The following ERG variants were observed in gnomAD, a reference collection of about 807,000 sequenced individuals.
ERG encodes the protein transcriptional regulator ERG.
A neutral mutation model predicts 55.3 loss-of-function variants in ERG; 9 were observed. That is an observed-to-expected ratio of 0.16 (90% CI 0.10 to 0.28). The LOEUF (loss-of-function observed/expected upper bound fraction) is 0.28, where lower values mean the gene tolerates loss of function less well. ERG is among the 10% of genes least tolerant of loss of function. The pLI, the probability that ERG is intolerant of heterozygous loss-of-function variation, is 1.00. For missense variants in ERG, 434 were observed against 631.6 expected (o/e 0.69, Z 3.35); for synonymous variants, 223 against 237.3 (o/e 0.94, Z 0.55).
chr21:38,657,949 T>C (rs2060529174), intron 1 of ERG, among the ~76,000 whole-genome samples: 1 of 152,148 alleles, frequency 6.6e-6, no homozygotes, highest in African/African-American at 2.4e-5. Context: ...CTAAGTACCA[T>C]AATCATCGGA....
rs565315730 is a variant in ERG at position 38,382,525 on chromosome 21, C to A, written c.*878G>T. ...TCTACTACTTCCCCTTTCTCCATTACGCTGTGTCCTTTCTCCTAACACTGG... is the reference window on the plus strand; with the variant it reads ...TCTACTACTTCCCCTTTCTCCATTAAGCTGTGTCCTTTCTCCTAACACTGG... On this transcript the variant is annotated 3_prime_UTR_variant, in exon 10 of 10. Transcript: ENST00000288319. The A allele has an allele frequency of 1.9e-6, 2 of 1,065,470 alleles. No individual in the cohort carries two copies. Among genetic ancestry groups the A allele is most frequent in the Non-Finnish European group, 2.3e-6 (2 of 879,076 alleles). The allele number at this position is 1,065,470 out of a possible 1,614,324, so 66.0% of individuals were successfully genotyped here. A position where few individuals can be genotyped will look rare whatever the true frequency, so the allele number is the denominator to read the frequency against.
At chr21:38,472,209 A>AAAGG (rs368645901) in intron 1 of ERG, 21 of 152,230 alleles carry the variant, frequency 1.4e-4, no homozygotes, top group African/African-American at 4.1e-4. Context: ...AGAATGAAAG[A>AAAGG]AAGGAAGGAA....
intron 2 of ERG, among the ~76,000 whole-genome samples, chr21:38,518,234 G>GTA (rs914645804): frequency 2.2e-5 from 3 of 134,972 alleles, no homozygotes; most frequent in African/African-American, 8.3e-5. Flanking sequence ...ATGTGTGTGT[G>GTA]TGTATCTATC....
intron 2 of ERG, among the ~76,000 whole-genome samples, chr21:38,514,772 G>T (rs79212406): frequency 4.3e-3 from 660 of 151,996 alleles, no homozygotes; most frequent in African/African-American, 0.016. Flanking sequence ...GAAATGAAAT[G>T]CAATGTTAAA....
chr21:38,639,500 G>A (rs1346601356), intron 1 of ERG, among the ~76,000 whole-genome samples: 1 of 151,746 alleles, frequency 6.6e-6, no homozygotes, highest in African/African-American at 2.4e-5. Context: ...GTTCCAAGAA[G>A]AGAAAACATT....
chr21:38,638,623 G>A (rs548242536), intron 1 of ERG, among the ~76,000 whole-genome samples: 49 of 152,338 alleles, frequency 3.2e-4, no homozygotes, highest in African/African-American at 1.1e-3. Context: ...GGCAGTTGAT[G>A]AGTGAGGGGA....
intron 1 of ERG, among the ~76,000 whole-genome samples, chr21:38,660,829 G>T (rs2060549936): frequency 6.6e-6 from 1 of 151,746 alleles, no homozygotes; most frequent in Admixed American, 6.6e-5. Flanking sequence ...GCGTGGGTGC[G>T]AGCGCGCGGG....
intron 6 of ERG, among the ~76,000 whole-genome samples, chr21:38,393,362 C>T (rs936503490): frequency 6.6e-6 from 1 of 152,176 alleles, no homozygotes; most frequent in Non-Finnish European, 1.5e-5. Flanking sequence ...AATACTCTTG[C>T]TAAGAGTGCA....
At chr21:38,567,892 C>G (rs999271231) in intron 2 of ERG, among the ~76,000 whole-genome samples, 5 of 152,204 alleles carry the variant, frequency 3.3e-5, no homozygotes, top group African/African-American at 9.7e-5. Flanking sequence ...TTCACAGTGA[C>G]CTCGCACAGA....
intron 9 of ERG, among the ~76,000 whole-genome samples, chr21:38,386,362 G>A (rs570805039): frequency 7.7e-4 from 117 of 152,304 alleles, no homozygotes; most frequent in Admixed American, 2.3e-3. Flanking sequence ...ATGGTAGAAA[G>A]AGTAACATCA....
At chr21:38,384,832 A>AG (rs1987616544) in intron 9 of ERG, among the ~76,000 whole-genome samples, 2 of 148,106 alleles carry the variant, frequency 1.4e-5, no homozygotes, top group Admixed American at 6.6e-5. Flanking sequence ...GAGGAAGTTT[A>AG]GGAAAAAAAA....
At chr21:38,526,987 C>T (rs2059634275) in intron 2 of ERG, among the ~76,000 whole-genome samples, 1 of 152,184 alleles carries the variant, frequency 6.6e-6, no homozygotes, top group African/African-American at 2.4e-5. Context: ...CCAGAACTTT[C>T]ACCATCTACT....
intron 1 of ERG, among the ~76,000 whole-genome samples, chr21:38,491,621 T>G (rs1454057300): frequency 6.6e-6 from 1 of 152,252 alleles, no homozygotes; most frequent in Non-Finnish European, 1.5e-5. Flanking sequence ...AGCATTTCTT[T>G]TCAAAATGTC....
chr21:38,570,844 A>G (rs2059953266), intron 2 of ERG, among the ~76,000 whole-genome samples: 2 of 152,192 alleles, frequency 1.3e-5, no homozygotes, highest in Admixed American at 1.3e-4. Flanking sequence ...ACTAATATAC[A>G]GATGGTTCCC....
At chr21:38,549,601 T>C (rs1159204888) in intron 2 of ERG, among the ~76,000 whole-genome samples, 3 of 152,218 alleles carry the variant, frequency 2.0e-5, no homozygotes, top group Admixed American at 6.5e-5. Flanking sequence ...GCCAAAGTCA[T>C]GGGAGCTGAG....
At chr21:38,614,920 G>A (rs1326336972) in intron 1 of ERG, among the ~76,000 whole-genome samples, 2 of 152,210 alleles carry the variant, frequency 1.3e-5, no homozygotes, top group African/African-American at 4.8e-5. Context: ...AAGATTGTCC[G>A]GCTCTACTCA....
chr21:38,384,073 C>T (rs1254869915), intron 9 of ERG, 150 bp from the exon 10 acceptor site: 10 of 1,106,720 alleles, frequency 9.0e-6, no homozygotes, highest in African/African-American at 4.7e-5. Flanking sequence ...TGCAGGGGTG[C>T]GGACTGCTCT....
chr21:38,519,844 G>A (rs1321691886), intron 2 of ERG, among the ~76,000 whole-genome samples: 1 of 152,132 alleles, frequency 6.6e-6, no homozygotes, highest in African/African-American at 2.4e-5. Flanking sequence ...TTAGGACTGA[G>A]ACCCTAACCA....
At chr21:38,613,949 C>G (rs2060243958) in intron 1 of ERG, among the ~76,000 whole-genome samples, 1 of 152,180 alleles carries the variant, frequency 6.6e-6, no homozygotes, top group Non-Finnish European at 1.5e-5. Flanking sequence ...TCCCTTGCAT[C>G]CCACCTTCTG....
Sources: gnomAD v4.1 joint callset for allele counts (sites outside exome capture counted in the v4.1 genomes callset) on GRCh38, gnomAD v4.1.1 for gene constraint, MANE v1.5 for transcripts, NCBI Gene and HGNC (gene_info 2026-07-23, HGNC 2026-07-21) for gene names.